ELP5: variants seen among roughly 807,000 people sequenced by gnomAD.
ELP5 encodes the protein elongator acetyltransferase complex subunit 5.
ELP5 carries 34 observed loss-of-function variants against 33.4 expected under a neutral mutation model. The observed-to-expected ratio is 1.02, with a 90% CI of 0.78 to 1.36. The LOEUF (loss-of-function observed/expected upper bound fraction) is 1.36, where lower values mean the gene tolerates loss of function less well. Among genes scored for constraint, ELP5 ranks in the 40% most tolerant of loss-of-function variants. The probability of loss-of-function intolerance (pLI) is 0.00; values close to 1 mark genes in which losing one functional copy is unlikely to be tolerated. For synonymous variants in ELP5, 161 were observed against 146.4 expected, an observed-to-expected ratio of 1.10 and a Z score of -0.72; for missense variants, 373 against 371.7, an observed-to-expected ratio of 1.00 and a Z score of -0.03.
chr17:7,254,669 G>C lies in ELP5; in HGVS notation c.275G>C (p.Arg92Thr), dbSNP rs2072032616. 1 of 1,614,118 alleles carries C rather than the reference G, an allele frequency of 6.2e-7. No individual in the cohort carries two copies. Among genetic ancestry groups the C allele is most frequent in the Non-Finnish European group, 8.5e-7 (1 of 1,180,014 alleles). The change falls in exon 4 of 8, where the codon AGA (arginine) becomes ACA (threonine). Residue 92 changes from arginine to threonine, a missense_variant. Physicochemically the swap from Arg to Thr is moderately conservative, Grantham distance 71 (BLOSUM62 -1). Transcript: ENST00000396628. ...AFPGGPLGAL[R>T]AMCKRTDPVP... ...CCTGGGGGGCCGCTGGGAGCCTTGA[G>C]AGCCATGTGCAAGAGGACAGATCCT...
At chr17:7,255,252 G>A (rs575170389) in intron 4 of ELP5, among the ~76,000 whole-genome samples, 114 of 151,830 alleles carry the variant, frequency 7.5e-4, no homozygotes, top group African/African-American at 2.6e-3. Context: ...TTGGCCGGGC[G>A]CGGTGGCTCA....
intron 7 of ELP5, 121 bp from the exon 8 acceptor site, chr17:7,259,450 A>G: frequency 6.6e-7 from 1 of 1,521,606 alleles, no homozygotes; most frequent in Non-Finnish European, 8.8e-7. Flanking sequence ...AGGGACTTGG[A>G]CCAATAAAAT....
intron 4 of ELP5, among the ~76,000 whole-genome samples, chr17:7,256,326 G>T (rs556370066): frequency 9.9e-5 from 15 of 152,210 alleles, no homozygotes; most frequent in Non-Finnish European, 2.2e-4. Flanking sequence ...CTGGGCGACA[G>T]AGCAAGACTC....
chr17:7,257,148 T>C (rs565738452), intron 5 of ELP5, 110 bp downstream of exon 5: 17 of 1,198,530 alleles, frequency 1.4e-5, no homozygotes, highest in Admixed American at 6.1e-5. Flanking sequence ...AAAAACAAAC[T>C]TTTTTAGAGA....
chr17:7,255,048 T>C, intron 4 of ELP5: 1 of 573,654 alleles, frequency 1.7e-6, no homozygotes, highest in Non-Finnish European at 3.1e-6. Context: ...AACAAATCAA[T>C]AGTAAATATA....
chr17:7,255,124 C>T (rs1450225649), intron 4 of ELP5, among the ~76,000 whole-genome samples: 1 of 151,934 alleles, frequency 6.6e-6, no homozygotes, highest in African/African-American at 2.4e-5. Context: ...GGGTCCTTGC[C>T]TTCCAGGAGC....
intron 3 of ELP5, 46 bp from the exon 4 acceptor site, chr17:7,254,537 C>A: frequency 7.0e-7 from 1 of 1,423,292 alleles, no homozygotes; most frequent in Non-Finnish European, 9.6e-7. Context: ...GTGATCCTCT[C>A]GGGGGAAGGG....
At chr17:7,257,480 G>A (rs1470051503) in intron 5 of ELP5, among the ~76,000 whole-genome samples, 1 of 151,012 alleles carries the variant, frequency 6.6e-6, no homozygotes, top group African/African-American at 2.4e-5. Context: ...GCCCAGGCTG[G>A]AGTGCTGTGG....
chr17:7,257,343 C>T (rs2072100417), intron 5 of ELP5, among the ~76,000 whole-genome samples: 3 of 151,814 alleles, frequency 2.0e-5, no homozygotes, highest in South Asian at 2.1e-4. Flanking sequence ...TTCATTTAAT[C>T]CTCTCAGCTA....
At chr17:7,254,258 A>G (rs2072021028) in intron 3 of ELP5, among the ~76,000 whole-genome samples, 1 of 152,188 alleles carries the variant, frequency 6.6e-6, no homozygotes. Context: ...GATAACTAAC[A>G]TTTATCAGGC....
Position 7,252,512 on chromosome 17 carries a change from T to G in ELP5, c.-39T>G, listed in dbSNP as rs2071959224. On this transcript the variant is annotated 5_prime_UTR_variant, in exon 1 of 8. Transcript: ENST00000396628. ...GGAAGGACACTGGGTCATGACGCCATCAGAGGGCGCCAGAGCAGGGACCGG... is the reference window on the plus strand; with the variant it reads ...GGAAGGACACTGGGTCATGACGCCAGCAGAGGGCGCCAGAGCAGGGACCGG... 2 of 1,613,686 alleles carry G rather than the reference T, an allele frequency of 1.2e-6. No individual in the cohort carries two copies. The highest frequency in any genetic ancestry group is 1.7e-6 in the Non-Finnish European group (2 of 1,179,876).
intron 7 of ELP5, chr17:7,259,358 T>C: frequency 1.4e-6 from 2 of 1,407,896 alleles, no homozygotes; most frequent in South Asian, 1.6e-5. Context: ...GCTAGGAACT[T>C]ACGGTTTTAT....
chr17:7,252,199 C>T (rs2071947308), upstream of ELP5: 2 of 407,520 alleles, frequency 4.9e-6, no homozygotes, highest in Non-Finnish European at 9.2e-6. Flanking sequence ...ACTGCGTGGG[C>T]GGGGAGAGTG....
In ELP5 at chr17:7,252,919, G is replaced by C. The variant is rs1255575227; in HGVS notation, c.109G>C (p.Gly37Arg). Residue 37 changes from glycine to arginine, a missense_variant and splice_region_variant, in exon 3 of 8, where the codon GGG becomes CGG. Transcript: ENST00000396628. ...KALVKKSALCGEQVHILGCEV... is the reference protein window; with the variant it reads ...KALVKKSALCREQVHILGCEV... Reference sequence around the variant, plus strand: ...AATCCCTTCTCATCTCTGCCTTAGTGGGGAGCAAGTGCATATCCTGGGCTG... The same window carrying C: ...AATCCCTTCTCATCTCTGCCTTAGTCGGGAGCAAGTGCATATCCTGGGCTG... 1 of 1,614,100 alleles carries C rather than the reference G, an allele frequency of 6.2e-7. No individual in the cohort carries two copies.
chr17:7,259,257 G>A (rs1400715170), intron 7 of ELP5: 3 of 1,371,168 alleles, frequency 2.2e-6, no homozygotes, highest in South Asian at 3.3e-5. Flanking sequence ...CGTGGCAGAG[G>A]CTGGTTAACA....
upstream of ELP5, chr17:7,252,177 GC>G: frequency 2.7e-6 from 1 of 370,174 alleles, no homozygotes; most frequent in South Asian, 2.2e-5. Flanking sequence ...GGCGAAGCAG[GC>G]CCCGCCTCAA....
At chr17:7,254,269 A>C (rs1431430073) in intron 3 of ELP5, among the ~76,000 whole-genome samples, 1 of 152,212 alleles carries the variant, frequency 6.6e-6, no homozygotes, top group Admixed American at 6.5e-5. Flanking sequence ...TTTATCAGGC[A>C]TATACTATGT....
rs887460950 is a variant in ELP5 at position 7,252,414 on chromosome 17, C to T, written c.-137C>T. ...CCCTGGGAATATTGAACATAATCACCTCTCATTCCAGACTATGTTAGGTCT... is the reference window on the plus strand; with the variant it reads ...CCCTGGGAATATTGAACATAATCACTTCTCATTCCAGACTATGTTAGGTCT... On this transcript the variant is annotated 5_prime_UTR_variant, in exon 1 of 8. Coordinates refer to ENST00000396628, the MANE Select transcript of ELP5 (RefSeq NM_203414.3). The T allele has an allele frequency of 1.3e-5, 18 of 1,345,586 alleles. No individual in the cohort carries two copies. Among genetic ancestry groups the T allele is most frequent in the South Asian group, 7.4e-5 (6 of 80,922 alleles). 83.4% of individuals were successfully genotyped at this position (1,345,586 alleles called of 1,614,324 possible). A position where few individuals can be genotyped will look rare whatever the true frequency, so the allele number is the denominator to read the frequency against.
intron 4 of ELP5, chr17:7,255,021 C>G (rs2072044137): frequency 1.8e-6 from 1 of 569,878 alleles, no homozygotes; most frequent in Non-Finnish European, 3.1e-6. Context: ...TCATTTGTTT[C>G]ACTCATTCAT....
Sources: allele counts gnomAD v4.1 joint callset (sites outside exome capture counted in the v4.1 genomes callset), GRCh38; gene constraint gnomAD v4.1.1; transcripts MANE v1.5; gene names NCBI Gene and HGNC (gene_info 2026-07-23, HGNC 2026-07-21).